The following RHOJ variants were observed in gnomAD, a reference collection of about 807,000 sequenced individuals.
The protein encoded by RHOJ is rho-related GTP-binding protein RhoJ.
In RHOJ, 11 loss-of-function variants were observed where a neutral mutation model predicts 23.4. The observed-to-expected ratio is 0.47, with a 90% CI of 0.30 to 0.78. The LOEUF (loss-of-function observed/expected upper bound fraction) is 0.78, where lower values mean the gene tolerates loss of function less well. Ranked by LOEUF, RHOJ falls within the 30% of genes least tolerant of loss-of-function variation. RHOJ has a pLI of 0.08. For missense variants in RHOJ, 254 were observed against 273.4 expected (o/e 0.93, Z 0.50); for synonymous variants, 102 against 102.7 (o/e 0.99, Z 0.04).
intron 1 of RHOJ, among the ~76,000 whole-genome samples, chr14:63,265,281 C>G (rs1217204656): frequency 6.6e-6 from 1 of 152,106 alleles, no homozygotes; most frequent in Admixed American, 6.5e-5. Context: ...AGTAGAGTGT[C>G]TTTTCTCTAT....
At chr14:63,225,886 AC>A (rs1309158745) in intron 1 of RHOJ, among the ~76,000 whole-genome samples, 11 of 152,164 alleles carry the variant, frequency 7.2e-5, no homozygotes, top group Non-Finnish European at 1.2e-4. Context: ...CCTTCAATAG[AC>A]CCGGTTCACA....
chr14:63,238,571 A>G (rs1042572547), intron 1 of RHOJ, among the ~76,000 whole-genome samples: 3 of 152,102 alleles, frequency 2.0e-5, no homozygotes, highest in African/African-American at 7.2e-5. Flanking sequence ...ATAGGCACAC[A>G]ACACCATGCC....
At chr14:63,264,843 T>A (rs544039364) in intron 1 of RHOJ, among the ~76,000 whole-genome samples, 148 of 152,360 alleles carry the variant, frequency 9.7e-4, no homozygotes, top group African/African-American at 3.4e-3. Flanking sequence ...TATCTGTTCA[T>A]GTCTTTATTA....
chr14:63,240,668 T>C (rs1356319644), intron 1 of RHOJ, among the ~76,000 whole-genome samples: 1 of 152,158 alleles, frequency 6.6e-6, no homozygotes, highest in East Asian at 1.9e-4. Context: ...GCCCACAAAC[T>C]ATAGGGTCAC....
chr14:63,244,929 C>T (rs191961519), intron 1 of RHOJ, among the ~76,000 whole-genome samples: 5 of 152,340 alleles, frequency 3.3e-5, no homozygotes, highest in East Asian at 3.9e-4. Context: ...TGTGTACACA[C>T]GTGTGTTCAC....
intron 1 of RHOJ, among the ~76,000 whole-genome samples, chr14:63,221,762 T>C (rs578050785): frequency 5.2e-4 from 79 of 152,294 alleles, no homozygotes; most frequent in African/African-American, 1.8e-3. Context: ...ATTCACTACA[T>C]AATGGGCGCA....
chr14:63,262,449 A>G (rs1437184286), intron 1 of RHOJ, among the ~76,000 whole-genome samples: 1 of 152,192 alleles, frequency 6.6e-6, no homozygotes, highest in Non-Finnish European at 1.5e-5. Context: ...GGGGGAAAGG[A>G]CCTTCATTTT....
chr14:63,213,667 T>A (rs1894289167), intron 1 of RHOJ, among the ~76,000 whole-genome samples: 1 of 152,194 alleles, frequency 6.6e-6, no homozygotes, highest in South Asian at 2.1e-4. Flanking sequence ...ATAGGATTGC[T>A]GGGTAGAATC....
intron 1 of RHOJ, among the ~76,000 whole-genome samples, chr14:63,227,363 G>T (rs1477991516): frequency 6.6e-6 from 1 of 152,176 alleles, no homozygotes; most frequent in East Asian, 1.9e-4. Context: ...CTTTCTTGGG[G>T]AAATAAACTA....
chr14:63,225,293 G>A lies in RHOJ; in HGVS notation c.178+20246G>A, dbSNP rs973953522. Among the ~76,000 whole-genome samples the A allele has an allele frequency of 7.9e-5, 12 of 152,222 alleles. 1 individual carries two copies. In the South Asian group the frequency reaches 2.1e-3, roughly 26 times the overall value. On this transcript the variant is annotated intron_variant, in intron 1 of 4. Transcript: ENST00000316754. ...AACAATAAAGGTTAGAAATTGATGG[G>A]GGAGAAAAATTTTCCCTTGGAGCAA...
At chr14:63,272,118 A>G (rs1490640606) in intron 2 of RHOJ, among the ~76,000 whole-genome samples, 5 of 152,204 alleles carry the variant, frequency 3.3e-5, no homozygotes, top group Non-Finnish European at 5.9e-5. Context: ...CACTACCTAA[A>G]CGTTTCTGGT....
chr14:63,260,377 T>C (rs763302318), intron 1 of RHOJ, among the ~76,000 whole-genome samples: 19 of 152,194 alleles, frequency 1.2e-4, no homozygotes, highest in Non-Finnish European at 2.5e-4. Flanking sequence ...AGCTTGGTCC[T>C]ACAGCCTAAA....
intron 1 of RHOJ, among the ~76,000 whole-genome samples, chr14:63,207,293 G>T (rs1341750294): frequency 6.6e-6 from 1 of 152,082 alleles, no homozygotes; most frequent in Non-Finnish European, 1.5e-5. Context: ...GCCTCCTAAC[G>T]TGCTGGGATT....
rs60255894 is a variant in RHOJ, at chr14:63,253,898, C to T, written c.179-15212C>T. Among the ~76,000 whole-genome samples, 622 of 152,284 alleles carry T rather than the reference C, an allele frequency of 4.1e-3. 14 individuals are homozygous for T. The East Asian group carries it at 0.056, about 14-fold the overall frequency. ...TTTTCACTAATTCTTAAGTCTGGAA[C>T]GTAACTAGCAGGTATGTTCTGTTTT... On this transcript the variant is annotated intron_variant, in intron 1 of 4. Transcript: ENST00000316754.
chr14:63,288,320 G>T, intron 4 of RHOJ: 1 of 985,456 alleles, frequency 1.0e-6, no homozygotes, highest in Non-Finnish European at 1.2e-6. Flanking sequence ...GACTCCAGGT[G>T]TGAGTGAGCT....
At chr14:63,269,052 C>T (rs1895417551) in intron 1 of RHOJ, 58 bp from the exon 2 acceptor site, 1 of 1,232,084 alleles carries the variant, frequency 8.1e-7, no homozygotes, top group Non-Finnish European at 1.2e-6. Flanking sequence ...GTGAAGGCTC[C>T]TGATTGAAGC....
chr14:63,222,448 A>C (rs1894515180), intron 1 of RHOJ, among the ~76,000 whole-genome samples: 1 of 152,174 alleles, frequency 6.6e-6, no homozygotes, highest in South Asian at 2.1e-4. Flanking sequence ...CCAACAGTGT[A>C]AAAGTGTTCC....
At chr14:63,227,713 A>G (rs965591623) in intron 1 of RHOJ, among the ~76,000 whole-genome samples, 4 of 152,254 alleles carry the variant, frequency 2.6e-5, no homozygotes, top group Admixed American at 6.5e-5. Context: ...CTTTCGCAGA[A>G]GAAAAACAAA....
At chr14:63,237,054 TC>T (rs1321216394) in intron 1 of RHOJ, among the ~76,000 whole-genome samples, 4 of 152,170 alleles carry the variant, frequency 2.6e-5, no homozygotes, top group Admixed American at 2.0e-4. Flanking sequence ...TCCCTTTTTT[TC>T]CTGAATATTT....
Sources: allele counts gnomAD v4.1 joint callset (sites outside exome capture counted in the v4.1 genomes callset), GRCh38; gene constraint gnomAD v4.1.1; transcripts MANE v1.5; gene names NCBI Gene and HGNC (gene_info 2026-07-23, HGNC 2026-07-21).